The following UBE2Q2 variants were observed in gnomAD, a reference collection of about 807,000 sequenced individuals.
UBE2Q2 encodes the protein ubiquitin-conjugating enzyme E2 Q2.
UBE2Q2 carries 54 observed loss-of-function variants against 59.9 expected under a neutral mutation model. The observed-to-expected ratio is 0.90, with a 90% CI of 0.72 to 1.13. UBE2Q2 has a LOEUF of 1.13. Ranked by LOEUF, UBE2Q2 falls within the 50% of genes most tolerant of loss-of-function variation. The pLI, the probability that UBE2Q2 is intolerant of heterozygous loss-of-function variation, is 0.00. For missense variants in UBE2Q2, 433 were observed against 441.9 expected, an observed-to-expected ratio of 0.98 and a Z score of 0.18; for synonymous variants, 165 against 155.2, an observed-to-expected ratio of 1.06 and a Z score of -0.47.
intron 11 of UBE2Q2, among the ~76,000 whole-genome samples, chr15:75,896,594 T>C (rs1434196269): frequency 6.6e-6 from 1 of 152,258 alleles, no homozygotes; most frequent in Non-Finnish European, 1.5e-5. Context: ...TATTTTCTTA[T>C]CTGAAAGTAA....
chr15:75,852,640 G>A (rs2593275), intron 1 of UBE2Q2, among the ~76,000 whole-genome samples: 15,058 of 152,158 alleles, frequency 0.099, 1,897 homozygotes, highest in African/African-American at 0.3. Flanking sequence ...TAGCCTAAGG[G>A]AAAAGAAACC....
chr15:75,896,940 G>T lies in UBE2Q2; in HGVS notation c.1030-55G>T, dbSNP rs550972003. 5.2e-6 allele frequency: 6 copies of T among 1,156,924 alleles called. No homozygotes were observed. In the East Asian group the frequency reaches 1.3e-4, roughly 26 times the overall value. The allele number at this position is 1,156,924 out of a possible 1,614,324, so 71.7% of individuals were successfully genotyped here. On this transcript the variant is annotated intron_variant, in intron 11 of 12. Coordinates refer to ENST00000267938, the MANE Select transcript of UBE2Q2 (RefSeq NM_173469.4). ...AGTGTGATGCATTCATAAATTTATTGTAATAATTTTCACCTAATTACACTT... is the reference window on the plus strand; with the variant it reads ...AGTGTGATGCATTCATAAATTTATTTTAATAATTTTCACCTAATTACACTT...
chr15:75,891,632 A>G (rs186012519), intron 11 of UBE2Q2, among the ~76,000 whole-genome samples: 34 of 152,326 alleles, frequency 2.2e-4, no homozygotes, highest in African/African-American at 7.2e-4. Flanking sequence ...GTGGCAGAAC[A>G]AGGATTGGAA....
intron 9 of UBE2Q2, among the ~76,000 whole-genome samples, chr15:75,889,003 T>C (rs1374624062): frequency 6.6e-6 from 1 of 152,240 alleles, no homozygotes; most frequent in African/African-American, 2.4e-5. Flanking sequence ...TGTTTGATGT[T>C]AACTCATCAA....
At position 75,854,416 on chromosome 15, in the gene UBE2Q2, T is replaced by C; in HGVS notation, c.211T>C (p.Phe71Leu). 1 of 1,613,466 alleles carries C rather than the reference T, an allele frequency of 6.2e-7. No homozygotes were observed. The highest frequency in any genetic ancestry group is 8.5e-7 in the Non-Finnish European group (1 of 1,179,644). Residue 71 changes from phenylalanine to leucine, a missense_variant, in exon 2 of 13, where the codon TTT becomes CTT. Coordinates refer to ENST00000267938, the MANE Select transcript of UBE2Q2 (RefSeq NM_173469.4). ...ESYPSSSPIW[F>L]VDSEDPNLTS... ...CTATCCATCTTCTTCACCGATATGG[T>C]TTGTGGATTCTGAAGACCCAAATCT...
At chr15:75,859,334 A>G (rs1348071300) in intron 2 of UBE2Q2, among the ~76,000 whole-genome samples, 1 of 152,060 alleles carries the variant, frequency 6.6e-6, no homozygotes, top group Non-Finnish European at 1.5e-5. Flanking sequence ...TGTTTTACAG[A>G]TGGGTAGACT....
Position 75,873,557 on chromosome 15 carries a change from G to T in UBE2Q2, c.577G>T (p.Asp193Tyr). ...LEKIRKTQRQ[D>Y]HLNGAVSGSV... ...GAAAATTAGGAAGACTCAAAGGCAA[G>T]ACCATTTAAATGTAAGTGTGTGTAG... is the stretch of plus-strand genomic sequence containing the variant. Residue 193 changes from aspartate (D) to tyrosine (Y), a missense_variant, in exon 5 of 13, where the codon GAC becomes TAC. By Grantham distance (160) the Asp-to-Tyr change is radical. Transcript: ENST00000267938. The T allele has an allele frequency of 6.2e-7, 1 of 1,612,556 alleles. No homozygotes were observed. The highest frequency in any genetic ancestry group is 1.1e-5 in the South Asian group (1 of 90,754).
Position 75,877,995 on chromosome 15 carries a change from A to G in UBE2Q2, c.708A>G (p.Leu236=), listed in dbSNP as rs1479064835. The G allele has an allele frequency of 6.2e-7, 1 of 1,613,864 alleles. No individual in the cohort carries two copies. Among genetic ancestry groups the G allele is most frequent in the Admixed American group, 1.7e-5 (1 of 59,992 alleles). The change falls in exon 7 of 13, where the codon TTA becomes TTG. Residue 236 remains leucine (L), a synonymous_variant. Coordinates refer to ENST00000267938, the MANE Select transcript of UBE2Q2 (RefSeq NM_173469.4). ...CAGTGGAACTCATAAATGACAGTTT[A>G]TATGACTGGCATGTTAAACTGCAGA... ...IYSVELINDS[L]YDWHVKLQKV...
At chr15:75,845,520 T>C (rs1481124055) in intron 1 of UBE2Q2, among the ~76,000 whole-genome samples, 1 of 152,178 alleles carries the variant, frequency 6.6e-6, no homozygotes, top group East Asian at 1.9e-4. Context: ...AAGGTAGGGC[T>C]GGTTTGAATG....
chr15:75,867,221 ACT>A (rs751276696), intron 3 of UBE2Q2, among the ~76,000 whole-genome samples: 37 of 151,990 alleles, frequency 2.4e-4, no homozygotes, highest in Middle Eastern at 3.4e-3. Context: ...TACTAAAAAC[ACT>A]CTCTGTCTTT....
intron 4 of UBE2Q2, among the ~76,000 whole-genome samples, chr15:75,870,229 G>A (rs1897713075): frequency 6.6e-6 from 1 of 152,054 alleles, no homozygotes; most frequent in Non-Finnish European, 1.5e-5. Context: ...CCCATGCCAA[G>A]CTTTTTAAAA....
chr15:75,856,608 A>G (rs1010489699), intron 2 of UBE2Q2, among the ~76,000 whole-genome samples: 2 of 151,612 alleles, frequency 1.3e-5, no homozygotes, highest in African/African-American at 4.9e-5. Flanking sequence ...ATTTTTGTCA[A>G]AATAAGTTAT....
intron 3 of UBE2Q2, among the ~76,000 whole-genome samples, chr15:75,868,247 AAC>A (rs1215611233): frequency 6.6e-6 from 1 of 152,172 alleles, no homozygotes; most frequent in Non-Finnish European, 1.5e-5. Flanking sequence ...TGCATGTATA[AAC>A]AGTGTCCTGG....
chr15:75,874,415 C>T (rs1479310538), intron 5 of UBE2Q2, among the ~76,000 whole-genome samples: 2 of 151,906 alleles, frequency 1.3e-5, no homozygotes, highest in Non-Finnish European at 2.9e-5. Context: ...TCCTGTGCAG[C>T]TGGGATTATA....
intron 1 of UBE2Q2, among the ~76,000 whole-genome samples, chr15:75,844,744 G>A (rs1896241178): frequency 6.6e-6 from 1 of 152,132 alleles, no homozygotes; most frequent in African/African-American, 2.4e-5. Context: ...GTAGGATATT[G>A]GTCCAAACTG....
chr15:75,898,387 AT>A (rs1260612741), intron 12 of UBE2Q2, among the ~76,000 whole-genome samples: 2 of 151,966 alleles, frequency 1.3e-5, no homozygotes, highest in African/African-American at 4.8e-5. Context: ...TTTTTTTGTT[AT>A]TTTAAAAAAA....
chr15:75,854,830 C>T (rs1374431267), intron 2 of UBE2Q2, among the ~76,000 whole-genome samples: 1 of 152,138 alleles, frequency 6.6e-6, no homozygotes, highest in East Asian at 1.9e-4. Context: ...GGGAGAATGA[C>T]ACCAGAACTA....
At chr15:75,887,601 T>C (rs1898858693) in intron 9 of UBE2Q2, among the ~76,000 whole-genome samples, 1 of 151,148 alleles carries the variant, frequency 6.6e-6, no homozygotes, top group African/African-American at 2.4e-5. Flanking sequence ...CTAAGTAGAC[T>C]ATCACCCTGG....
intron 12 of UBE2Q2, among the ~76,000 whole-genome samples, chr15:75,898,350 G>A (rs1899550531): frequency 1.3e-5 from 2 of 151,804 alleles, no homozygotes; most frequent in Admixed American, 1.3e-4. Context: ...TGACTTCTAG[G>A]GTTTTGTTTT....
Sources: gnomAD v4.1 joint callset for allele counts (sites outside exome capture counted in the v4.1 genomes callset) on GRCh38, gnomAD v4.1.1 for gene constraint, MANE v1.5 for transcripts, NCBI Gene and HGNC (gene_info 2026-07-23, HGNC 2026-07-21) for gene names.